Variants in MTIF2 observed in about 807,000 individuals in gnomAD.
MTIF2 encodes the protein translation initiation factor IF-2, mitochondrial.
MTIF2 carries 71 observed loss-of-function variants against 83.5 expected under a neutral mutation model. The ratio of observed to expected loss-of-function variants is 0.85; its 90% CI spans 0.70 to 1.04. MTIF2 has a LOEUF of 1.04. Ranked by LOEUF, MTIF2 falls within the 50% of genes least tolerant of loss-of-function variation. The pLI is 0.00. For synonymous variants in MTIF2, 319 were observed against 287.1 expected, an observed-to-expected ratio of 1.11 and a Z score of -1.12; for missense variants, 957 against 846.5, an observed-to-expected ratio of 1.13 and a Z score of -1.62.
intron 5 of MTIF2, among the ~76,000 whole-genome samples, chr2:55,257,218 A>T (rs540148452): frequency 1.4e-4 from 21 of 152,204 alleles, no homozygotes; most frequent in African/African-American, 4.6e-4. Flanking sequence ...GGTGGCTCAC[A>T]CCTATAATCC....
intron 5 of MTIF2, among the ~76,000 whole-genome samples, chr2:55,260,757 T>C (rs949102776): frequency 6.6e-6 from 1 of 152,132 alleles, no homozygotes; most frequent in African/African-American, 2.4e-5. Flanking sequence ...CATATATGAG[T>C]CACTATTAAT....
chr2:55,254,000 T>C (rs1314850230), intron 7 of MTIF2, 41 bp downstream of exon 7: 3 of 1,600,234 alleles, frequency 1.9e-6, no homozygotes, highest in Non-Finnish European at 2.6e-6. Flanking sequence ...AGAAAATAAG[T>C]GGGGTTCCCA....
At position 55,237,385 on chromosome 2, in the gene MTIF2, C is replaced by G; in HGVS notation, c.1914G>C (p.Lys638Asn). Residue 638 changes from lysine (K) to asparagine (N), a missense_variant, in exon 15 of 16, where the codon AAG becomes AAC. Physicochemically the swap from Lys to Asn is moderately conservative, Grantham distance 94. Around this residue, in one of 3 missense-constraint regions of MTIF2, gnomAD observed 221 missense variants for 180.6 expected, o/e 1.22. Transcript: ENST00000263629. ...ILATFSVTEG[K>N]KKVPVAGCRV... is the part of the protein sequence containing the mutation. ...TGCAGCCAGCCACAGGAACTTTTTTCTTCCCTTCTGTTACAGAGAAGGTAG... is the reference window on the plus strand; with the variant it reads ...TGCAGCCAGCCACAGGAACTTTTTTGTTCCCTTCTGTTACAGAGAAGGTAG... 1 of 1,612,804 alleles carries G rather than the reference C, an allele frequency of 6.2e-7. No individual in the cohort carries two copies. Among genetic ancestry groups the G allele is most frequent in the Non-Finnish European group, 8.5e-7 (1 of 1,179,910 alleles).
chr2:55,268,394 T>C (rs868609893), intron 2 of MTIF2, among the ~76,000 whole-genome samples, 184 bp downstream of exon 2: 1 of 152,126 alleles, frequency 6.6e-6, no homozygotes, highest in South Asian at 2.1e-4. Context: ...ACAGGATTCC[T>C]TGAGAAAATA....
At chr2:55,248,684 A>T (rs1370094818) in intron 9 of MTIF2, among the ~76,000 whole-genome samples, 4 of 152,254 alleles carry the variant, frequency 2.6e-5, no homozygotes, top group Admixed American at 2.6e-4. Context: ...CCACAAAAAC[A>T]TTCAGTCAAT....
Position 55,252,631 on chromosome 2 carries a change from C to T in MTIF2, c.687G>A (p.Lys229=). 1 of 1,613,212 alleles carries T rather than the reference C, an allele frequency of 6.2e-7. No homozygotes were observed. ...GTCCTGGAGTATCAAGAAAAGTTAT[C>T]TTTTCCCCAGAAGGCAGAGAGACTG... is the stretch of plus-strand genomic sequence containing the variant. ...AFLVSLPSGE[K]ITFLDTPGHA... Residue 229 remains lysine, a synonymous_variant, in exon 8 of 16, where the codon AAG becomes AAA. Transcript: ENST00000263629.
In MTIF2 at chr2:55,236,859, TGATAA is replaced by T. The variant is rs143706032; in HGVS notation, c.2012-44_2012-40del. The T allele has an allele frequency of 1.5e-3, 2,154 of 1,448,334 alleles. 30 individuals are homozygous for T. In the African/African-American group the frequency reaches 0.029, roughly 19 times the overall value. 89.7% of individuals were successfully genotyped at this position (1,448,334 alleles called of 1,614,324 possible). ...ATTTAAGGTTAGTATATTCAATAAA[TGATAA>T]GTACCTACTAAATACTACATTATGT... On this transcript the variant is annotated intron_variant, in intron 15 of 15. Coordinates refer to ENST00000263629, the MANE Select transcript of MTIF2 (RefSeq NM_002453.3).
Position 55,237,388 on chromosome 2 carries a change from C to A in MTIF2, c.1911G>T (p.Gly637=), listed in dbSNP as rs1376201336. The change falls in exon 15 of 16, where the codon GGG becomes GGT. Residue 637 remains glycine (G), a synonymous_variant. Coordinates refer to ENST00000263629, the MANE Select transcript of MTIF2 (RefSeq NM_002453.3). ...AGCCAGCCACAGGAACTTTTTTCTT[C>A]CCTTCTGTTACAGAGAAGGTAGCTA... ...SILATFSVTE[G]KKKVPVAGCR... is the part of the protein sequence containing the mutation. The A allele has an allele frequency of 6.2e-7, 1 of 1,612,614 alleles. No homozygotes were observed. The highest frequency in any genetic ancestry group is 8.5e-7 in the Non-Finnish European group (1 of 1,179,820).
At chr2:55,236,982 A>G (rs1199530035) in intron 15 of MTIF2, among the ~76,000 whole-genome samples, 162 bp from the exon 16 acceptor site, 6 of 152,252 alleles carry the variant, frequency 3.9e-5, no homozygotes, top group Non-Finnish European at 7.3e-5. Flanking sequence ...AACCCCCTCA[A>G]AAATGAAGTT....
chr2:55,239,668 G>A (rs981558827), intron 14 of MTIF2, among the ~76,000 whole-genome samples: 3 of 152,002 alleles, frequency 2.0e-5, no homozygotes, highest in African/African-American at 7.2e-5. Context: ...TTCTCTGCCA[G>A]CCCCACAACA....
Position 55,237,367 on chromosome 2 carries a change from A to G in MTIF2, c.1932T>C (p.Ala644=). 6.2e-7 allele frequency: 1 copy of G among 1,613,050 alleles called. No individual in the cohort carries two copies. The highest frequency in any genetic ancestry group is 1.7e-5 in the Admixed American group (1 of 60,012). The change falls in exon 15 of 16, where the codon GCT becomes GCC. Residue 644 remains alanine, a synonymous_variant. Transcript: ENST00000263629. ...VTEGKKKVPV[A]GCRVQKGQLE... ...ACTGTCCCTTTTGGACTCTGCAGCCAGCCACAGGAACTTTTTTCTTCCCTT... is the reference window on the plus strand; with the variant it reads ...ACTGTCCCTTTTGGACTCTGCAGCCGGCCACAGGAACTTTTTTCTTCCCTT...
chr2:55,246,166 T>A (rs1424359284), intron 10 of MTIF2, among the ~76,000 whole-genome samples, 171 bp downstream of exon 10: 2 of 152,270 alleles, frequency 1.3e-5, no homozygotes, highest in Admixed American at 6.5e-5. Flanking sequence ...AATAACTGCA[T>A]TTTTGTGTTC....
In MTIF2 at chr2:55,263,575, A is replaced by C. The variant is rs369517113; in HGVS notation, c.219+65T>G. ...CGGTGAGCTGAGATCGCGCCACGGCACTCCAGCCGGGGTGACAGGGTGAGA... is the reference window on the plus strand; with the variant it reads ...CGGTGAGCTGAGATCGCGCCACGGCCCTCCAGCCGGGGTGACAGGGTGAGA... On this transcript the variant is annotated intron_variant, in intron 4 of 15. Transcript: ENST00000263629. The C allele has an allele frequency of 7.7e-5, 100 of 1,306,628 alleles. No homozygotes were observed. The African/African-American group carries it at 9.4e-4, about 12-fold the overall frequency. The allele number at this position is 1,306,628 out of a possible 1,614,324, so 80.9% of individuals were successfully genotyped here.
chr2:55,265,571 G>A (rs1208435402), intron 3 of MTIF2, among the ~76,000 whole-genome samples: 1 of 151,908 alleles, frequency 6.6e-6, no homozygotes, highest in Non-Finnish European at 1.5e-5. Context: ...TTTCCAAGTA[G>A]TGGGTATAGC....
rs1402917657 is a variant in MTIF2, at chr2:55,252,572, G to T, written c.746C>A (p.Ala249Asp). 8.7e-6 allele frequency: 14 copies of T among 1,614,100 alleles called. No individual in the cohort carries two copies. Among genetic ancestry groups the T allele is most frequent in the Non-Finnish European group, 1.1e-5 (13 of 1,179,956 alleles). Residue 249 changes from alanine to aspartate, a missense_variant, in exon 8 of 16, where the codon GCT becomes GAT. By Grantham distance (126) the Ala-to-Asp change is moderately radical. Around this residue, in one of 3 missense-constraint regions of MTIF2, gnomAD observed 733 missense variants for 648.7 expected, o/e 1.13. Transcript: ENST00000263629. ...AAFSAMRARGAQVTDIVVLVV... is the reference protein window; with the variant it reads ...AAFSAMRARGDQVTDIVVLVV... The stretch of plus-strand genomic sequence containing the variant: ...CAATACGACAATGTCAGTGACCTGA[G>T]CACCTCTGGCTCTCATTGCTGAGAA...
intron 5 of MTIF2, among the ~76,000 whole-genome samples, chr2:55,257,282 C>T (rs574057725): frequency 2.6e-5 from 4 of 152,228 alleles, no homozygotes; most frequent in South Asian, 2.1e-4. Flanking sequence ...GAGTTTGAGA[C>T]GAGCCTGGCC....
chr2:55,249,816 G>A (rs1676965137), intron 8 of MTIF2, among the ~76,000 whole-genome samples: 1 of 152,158 alleles, frequency 6.6e-6, no homozygotes, highest in African/African-American at 2.4e-5. Flanking sequence ...GTCGGGCTGG[G>A]TGCGGTGGCT....
rs571931411 is a variant in MTIF2, at chr2:55,266,548, T to A, written c.-8+1021A>T. On this transcript the variant is annotated intron_variant, in intron 3 of 15. Coordinates refer to ENST00000263629, the MANE Select transcript of MTIF2 (RefSeq NM_002453.3). ...CTCAAAAAAAAAAAAAATTTTTTTT[T>A]AATGATTTATCTCATAATATGGCAT... 2.0e-5 allele frequency: 3 copies of A among 150,324 alleles called. No homozygotes were observed. The South Asian group carries it at 6.2e-4, about 31-fold the overall frequency. The allele number at this position is 150,324 out of a possible 1,614,324, so 9.3% of individuals were successfully genotyped here.
chr2:55,249,775 G>C lies in MTIF2; in HGVS notation c.842-241C>G, dbSNP rs530196258. ...ATAAGCAGATTCTGAGTGAATAACA[G>C]ACACCTGAGATTATCAAAAAAAACA... On this transcript the variant is annotated intron_variant, in intron 8 of 15. Coordinates refer to ENST00000263629, the MANE Select transcript of MTIF2 (RefSeq NM_002453.3). Among the ~76,000 whole-genome samples, 3 of 151,502 alleles carry C rather than the reference G, an allele frequency of 2.0e-5. No individual in the cohort carries two copies. The East Asian group carries it at 6.0e-4, about 30-fold the overall frequency.
Sources: gnomAD v4.1 joint callset for allele counts (sites outside exome capture counted in the v4.1 genomes callset) on GRCh38, gnomAD v4.1.1 for gene constraint, gnomAD v4.1.1 regional missense constraint, MANE v1.5 for transcripts, NCBI Gene and HGNC (gene_info 2026-07-23, HGNC 2026-07-21) for gene names.